FRMD8: variants seen among roughly 807,000 people sequenced by gnomAD.
FRMD8 encodes the protein FERM domain containing 8.
A neutral mutation model predicts 54.2 loss-of-function variants in FRMD8; 37 were observed. The observed-to-expected ratio is 0.68, with a 90% CI of 0.53 to 0.90. The LOEUF (loss-of-function observed/expected upper bound fraction) is 0.90. Among genes scored for constraint, FRMD8 ranks in the 40% least tolerant of loss-of-function variants. The pLI is 0.00. For missense variants in FRMD8, 585 were observed against 653.7 expected (o/e 0.89, Z 1.15); for synonymous variants, 246 against 286.9 (o/e 0.86, Z 1.44).
chr11:65,393,009 C>T (rs560556970), intron 3 of FRMD8, among the ~76,000 whole-genome samples: 103 of 152,228 alleles, frequency 6.8e-4, no homozygotes, highest in Non-Finnish European at 7.4e-4. Flanking sequence ...GTGGGAGAGG[C>T]AGTGAGAGAG....
chr11:65,393,056 C>T (rs886872131), intron 3 of FRMD8, among the ~76,000 whole-genome samples: 12 of 152,108 alleles, frequency 7.9e-5, no homozygotes, highest in African/African-American at 2.4e-4. Flanking sequence ...AGCTGGGTTG[C>T]GTGTGGGCCA....
Position 65,400,912 on chromosome 11 carries a change from G to A in FRMD8, c.1071+45G>A. 6.5e-7 allele frequency: 1 copy of A among 1,543,650 alleles called. No homozygotes were observed. The highest frequency in any genetic ancestry group is 8.7e-7 in the Non-Finnish European group (1 of 1,144,636). On this transcript the variant is annotated intron_variant, in intron 9 of 10. Transcript: ENST00000317568. The surrounding 1 kb of genome is among the most constrained non-coding windows in gnomAD (Gnocchi z 4.3). The stretch of plus-strand genomic sequence containing the variant: ...CACACGGGTGGGGAGGCTGGGCCCA[G>A]GTGCCCTGGGTCCCAGACAATTAGA...
chr11:65,403,265 C>T (rs1019114746), intron 9 of FRMD8, among the ~76,000 whole-genome samples: 1 of 152,200 alleles, frequency 6.6e-6, no homozygotes, highest in Admixed American at 6.5e-5. Flanking sequence ...TCACTGCAAC[C>T]TCCGCCTCCT....
At chr11:65,380,461 C>T in the FRMD8 span, 7,801 of 1,209,774 alleles carry the variant, frequency 6.4e-3, 431 homozygotes, top group African/African-American at 0.11. Context: ...TACGTGTCCT[C>T]GCTGGAGCCC....
the FRMD8 span, chr11:65,378,384 C>G: frequency 6.6e-6 from 1 of 152,330 alleles, no homozygotes; most frequent in East Asian, 1.9e-4. Flanking sequence ...ACTGTAAACC[C>G]AGGCTCCATC....
At chr11:65,387,828 A>G (rs558652400) in intron 2 of FRMD8, among the ~76,000 whole-genome samples, 41 of 151,732 alleles carry the variant, frequency 2.7e-4, no homozygotes, top group Non-Finnish European at 5.3e-4. Flanking sequence ...GTGAGCCACC[A>G]CACCCGGCTG....
At chr11:65,380,447 G>T in the FRMD8 span, 3 of 1,115,566 alleles carry the variant, frequency 2.7e-6, no homozygotes, top group Non-Finnish European at 3.8e-6. Context: ...GCCAGCCAAA[G>T]ACGTACGTGT....
chr11:65,391,335 G>A (rs980697482), intron 3 of FRMD8, among the ~76,000 whole-genome samples: 3 of 152,080 alleles, frequency 2.0e-5, no homozygotes, highest in African/African-American at 7.2e-5. Flanking sequence ...GTCAGGGCTG[G>A]GCTGTAGGCA....
intron 7 of FRMD8, among the ~76,000 whole-genome samples, chr11:65,397,867 TTTTC>T (rs1456757891): frequency 8.0e-6 from 1 of 124,848 alleles, no homozygotes; most frequent in Non-Finnish European, 1.6e-5. Context: ...CCCGGGTAAT[TTTTC>T]TTTCTTTTTT....
chr11:65,401,849 G>A (rs1474864606), intron 9 of FRMD8, among the ~76,000 whole-genome samples: 2 of 138,536 alleles, frequency 1.4e-5, no homozygotes, highest in Non-Finnish European at 3.1e-5. Flanking sequence ...TTTTTGAGAC[G>A]GAGACTGGTT....
At chr11:65,386,398 G>A (rs1855730115), upstream of FRMD8, among the ~76,000 whole-genome samples, 1 of 152,218 alleles carries the variant, frequency 6.6e-6, no homozygotes, top group Non-Finnish European at 1.5e-5. Flanking sequence ...TCGAATCTTC[G>A]CCAAACCCTC....
At chr11:65,379,605 T>G in the FRMD8 span, 1 of 1,541,670 alleles carries the variant, frequency 6.5e-7, no homozygotes, top group African/African-American at 1.4e-5. Flanking sequence ...CCGTGGGGCC[T>G]CCCCTTTGTC....
upstream of FRMD8, among the ~76,000 whole-genome samples, chr11:65,384,302 G>T (rs1486869164): frequency 6.6e-6 from 1 of 152,066 alleles, no homozygotes; most frequent in Admixed American, 6.6e-5. Context: ...CACAGCGGGG[G>T]TCTTTCCTGG....
intron 10 of FRMD8, 44 bp from the exon 11 acceptor site, chr11:65,411,198 A>G: frequency 3.4e-6 from 5 of 1,492,358 alleles, no homozygotes; most frequent in South Asian, 1.3e-5. Flanking sequence ...CCCCTCACAC[A>G]GGGACAGCGC....
chr11:65,370,215 T>C, the FRMD8 span, among the ~76,000 whole-genome samples: 1 of 150,332 alleles, frequency 6.7e-6, no homozygotes, highest in African/African-American at 2.4e-5. Context: ...AGCGAGACTG[T>C]CTCAAAAAAC....
chr11:65,394,448 G>A (rs1855907135), intron 6 of FRMD8, 23 bp downstream of exon 6: 1 of 1,552,898 alleles, frequency 6.4e-7, no homozygotes. Flanking sequence ...GTGACTTGAG[G>A]CGGGGGCGCT....
intron 2 of FRMD8, among the ~76,000 whole-genome samples, chr11:65,388,119 G>A (rs1304107017): frequency 1.3e-5 from 2 of 150,810 alleles, no homozygotes; most frequent in African/African-American, 2.4e-5. Context: ...AGCTGAGCTC[G>A]CACCATTGCA....
intron 10 of FRMD8, among the ~76,000 whole-genome samples, chr11:65,408,475 C>T (rs529162214): frequency 6.6e-6 from 1 of 151,750 alleles, no homozygotes; most frequent in Non-Finnish European, 1.5e-5. Flanking sequence ...CTCATTTTGA[C>T]CCAGTCCTCT....
At position 65,389,540 on chromosome 11, in the gene FRMD8, CA is replaced by C; in HGVS notation, c.253+13del. ...CTCCCCTCTGCTGGGTAAGGCTTGG[CA>C]GTGAGGAGCCCAGGCTGGAGGGTTG... is the stretch of plus-strand genomic sequence containing the variant. On this transcript the variant is annotated intron_variant, in intron 3 of 10. Transcript: ENST00000317568. The C allele has an allele frequency of 1.3e-6, 2 of 1,560,280 alleles. No homozygotes were observed. Among genetic ancestry groups the C allele is most frequent in the Non-Finnish European group, 1.7e-6 (2 of 1,157,882 alleles).
Sources: gnomAD v4.1 joint callset for allele counts (sites outside exome capture counted in the v4.1 genomes callset) on GRCh38, gnomAD v4.1.1 for gene constraint, Gnocchi (gnomAD v3.1) non-coding constraint, MANE v1.5 for transcripts, NCBI Gene and HGNC (gene_info 2026-07-23, HGNC 2026-07-21) for gene names.